The following TEX11 variants were observed in gnomAD, a reference collection of about 807,000 sequenced individuals.
TEX11 encodes testis expressed 11.
Under a neutral mutation model 84.4 loss-of-function variants are expected in TEX11, and 7 were observed. That is an observed-to-expected ratio of 0.08 (90% CI 0.05 to 0.16). The LOEUF (loss-of-function observed/expected upper bound fraction) is 0.16. TEX11 is among the 10% of genes least tolerant of loss of function. The pLI is 1.00. For missense variants in TEX11, 551 were observed against 660.5 expected, an observed-to-expected ratio of 0.83 and a Z score of 1.82; for synonymous variants, 264 against 222.8, an observed-to-expected ratio of 1.18 and a Z score of -1.64.
intron 13 of TEX11, among the ~76,000 whole-genome samples, chrX:70,684,976 A>G (rs1355141923): frequency 8.9e-6 from 1 of 112,140 alleles, no homozygotes; most frequent in Non-Finnish European, 1.9e-5. Context: ...AACAGAATCG[A>G]GAGCCCAGAA....
intron 13 of TEX11, among the ~76,000 whole-genome samples, chrX:70,706,311 G>C (rs1314278691): frequency 1.9e-5 from 2 of 107,775 alleles, no homozygotes; most frequent in Non-Finnish European, 3.8e-5. Flanking sequence ...CCTGTTGTGG[G>C]GTGGGAGGAG....
At chrX:70,527,453 T>C (rs1267547801), downstream of TEX11, among the ~76,000 whole-genome samples, 1 of 111,797 alleles carries the variant, frequency 8.9e-6, no homozygotes, top group Non-Finnish European at 1.9e-5. Context: ...ATCACCTAAA[T>C]TGAGGTGCAT....
intron 28 of TEX11, among the ~76,000 whole-genome samples, chrX:70,535,944 CA>C (rs1189320770): frequency 9.0e-6 from 1 of 110,711 alleles, no homozygotes; most frequent in Non-Finnish European, 1.9e-5. Flanking sequence ...TTTATTAATT[CA>C]TGTAACCAAA....
intron 28 of TEX11, among the ~76,000 whole-genome samples, chrX:70,545,188 G>C (rs2088105910): frequency 9.0e-6 from 1 of 111,546 alleles, no homozygotes; most frequent in African/African-American, 3.3e-5. Context: ...CTGGGTGACA[G>C]AGCAAGACTC....
intron 20 of TEX11, 26 bp from the exon 21 acceptor site, chrX:70,610,569 C>T: frequency 8.5e-7 from 1 of 1,172,317 alleles, no homozygotes; most frequent in Non-Finnish European, 1.2e-6. Context: ...AGGATATTTT[C>T]CAACTGCTCC....
At position 70,609,120 on chromosome X, in the gene TEX11, G is replaced by A; in HGVS notation, c.1850C>T (p.Ala617Val). Residue 617 changes from alanine (A) to valine (V), a missense_variant, in exon 22 of 30, where the codon GCT (alanine) becomes GTT (valine). Physicochemically the swap from Ala to Val is moderately conservative, Grantham distance 64. Coordinates refer to ENST00000374333, the MANE Select transcript of TEX11 (RefSeq NM_031276.3). ...TTTTCGAAACCACTGAGCTTCATTA[G>A]CTCTTGACTCCAAACTTAAGGCTTC... The part of the protein sequence containing the change: ...GEEALSLESR[A>V]NEAQWFRKTA... 1 of 1,207,183 alleles carries A rather than the reference G, an allele frequency of 8.3e-7. No individual in the cohort carries two copies.
At chrX:70,556,459 C>T (rs756403890) in intron 25 of TEX11, among the ~76,000 whole-genome samples, 1 of 111,550 alleles carries the variant, frequency 9.0e-6, no homozygotes, top group South Asian at 3.7e-4. Context: ...ATATAATTCT[C>T]TTGTGGTCAG....
At chrX:70,806,181 G>C (rs955191409) in intron 9 of TEX11, among the ~76,000 whole-genome samples, 1 of 112,174 alleles carries the variant, frequency 8.9e-6, no homozygotes, top group Non-Finnish European at 1.9e-5. Flanking sequence ...CTGGTCAGGC[G>C]TGGTGGCTCA....
At chrX:70,572,235 A>T (rs1184683306) in intron 25 of TEX11, among the ~76,000 whole-genome samples, 13 of 111,210 alleles carry the variant, frequency 1.2e-4, no homozygotes, top group African/African-American at 3.9e-4. Context: ...ATGCAGCCAA[A>T]AAACACATGA....
intron 2 of TEX11, among the ~76,000 whole-genome samples, chrX:70,883,448 T>C (rs1016908520): frequency 9.0e-6 from 1 of 111,193 alleles, no homozygotes; most frequent in African/African-American, 3.3e-5. Flanking sequence ...TAGCCAGGCA[T>C]GGTAGCCCAC....
chrX:70,759,003 A>T (rs1391266606), intron 9 of TEX11, among the ~76,000 whole-genome samples: 1 of 112,176 alleles, frequency 8.9e-6, no homozygotes, highest in Non-Finnish European at 1.9e-5. Flanking sequence ...ACACAAATAT[A>T]CTAGAAAATC....
intron 3 of TEX11, 41 bp downstream of exon 3, chrX:70,879,947 T>C: frequency 9.1e-7 from 1 of 1,099,125 alleles, no homozygotes; most frequent in Non-Finnish European, 1.2e-6. Context: ...AAATGAAGAA[T>C]CATCGAAACT....
chrX:70,673,820 G>A (rs1182912071), intron 15 of TEX11, among the ~76,000 whole-genome samples: 2 of 111,886 alleles, frequency 1.8e-5, no homozygotes, highest in African/African-American at 6.5e-5. Context: ...GATTACTGTA[G>A]CTATATAAAA....
chrX:70,895,053 A>C (rs750847030), intron 2 of TEX11, among the ~76,000 whole-genome samples: 2 of 111,733 alleles, frequency 1.8e-5, no homozygotes, highest in Non-Finnish European at 3.8e-5. Context: ...CAAGAAAAAG[A>C]AATTAGTGGT....
chrX:70,884,564 T>C (rs1461174046), intron 2 of TEX11, among the ~76,000 whole-genome samples: 2 of 111,670 alleles, frequency 1.8e-5, no homozygotes, highest in African/African-American at 6.5e-5. Flanking sequence ...GGTTTAGTCA[T>C]AGACTAAAAT....
At chrX:70,537,291 G>A (rs1187298676) in intron 28 of TEX11, among the ~76,000 whole-genome samples, 2 of 111,321 alleles carry the variant, frequency 1.8e-5, no homozygotes, top group Non-Finnish European at 3.8e-5. Flanking sequence ...TTGCCAAAAA[G>A]TTGACAAGAA....
intron 13 of TEX11, among the ~76,000 whole-genome samples, chrX:70,709,178 C>T (rs752812681): frequency 1.8e-5 from 2 of 111,173 alleles, no homozygotes; most frequent in Non-Finnish European, 3.8e-5. Flanking sequence ...GGATATTCAA[C>T]CTGAAGCAGG....
chrX:70,755,050 AACACTAAAATGCCCAG>A (rs2090857800), intron 9 of TEX11, among the ~76,000 whole-genome samples: 1 of 111,940 alleles, frequency 8.9e-6, no homozygotes, highest in Non-Finnish European at 1.9e-5. Context: ...ATAAATACCT[AACACTAAAATGCCCAG>A]ACACTGAAGA....
chrX:70,757,115 C>G (rs1425374231), intron 9 of TEX11, among the ~76,000 whole-genome samples: 2 of 112,001 alleles, frequency 1.8e-5, no homozygotes, highest in Admixed American at 9.5e-5. Context: ...AAATATGGGA[C>G]TATGTGAAAA....
Sources: allele counts gnomAD v4.1 joint callset (sites outside exome capture counted in the v4.1 genomes callset), GRCh38; gene constraint gnomAD v4.1.1; transcripts MANE v1.5; gene names NCBI Gene and HGNC (gene_info 2026-07-23, HGNC 2026-07-21).